Variants in WDR27 observed in about 807,000 individuals in gnomAD.
The protein encoded by WDR27 is WD repeat-containing protein 27.
A neutral mutation model predicts 114.4 loss-of-function variants in WDR27; 100 were observed. The ratio of observed to expected loss-of-function variants is 0.87; its 90% CI spans 0.74 to 1.03. The LOEUF (loss-of-function observed/expected upper bound fraction) is 1.03, where lower values mean the gene tolerates loss of function less well. WDR27 is among the 50% of genes least tolerant of loss of function. The pLI is 0.00. For synonymous variants in WDR27, 449 were observed against 423.1 expected, an observed-to-expected ratio of 1.06 and a Z score of -0.75; for missense variants, 1,129 against 1,092.9, an observed-to-expected ratio of 1.03 and a Z score of -0.47.
chr6:169,583,498 T>G (rs1160994373), intron 23 of WDR27, among the ~76,000 whole-genome samples: 2 of 31,712 alleles, frequency 6.3e-5, no homozygotes, highest in African/African-American at 7.1e-5. Flanking sequence ...CATATATATA[T>G]ATATATGTAT....
chr6:169,436,532 T>TA, the WDR27 span, among the ~76,000 whole-genome samples: 7 of 152,046 alleles, frequency 4.6e-5, no homozygotes, highest in African/African-American at 9.7e-5. Flanking sequence ...CACATGCTGT[T>TA]AAAAAAATGA....
chr6:169,697,028 G>A (rs538826663), intron 1 of WDR27, among the ~76,000 whole-genome samples: 100 of 152,298 alleles, frequency 6.6e-4, no homozygotes, highest in African/African-American at 2.3e-3. Flanking sequence ...CCCAGGTGCC[G>A]AGGCAAGAGA....
intron 22 of WDR27, among the ~76,000 whole-genome samples, chr6:169,604,315 T>TA (rs1337172040): frequency 6.6e-6 from 1 of 152,082 alleles, no homozygotes; most frequent in East Asian, 1.9e-4. Flanking sequence ...TCAGAGACTA[T>TA]AATGAAAAAC....
chr6:169,602,889 T>G (rs1808306198), intron 22 of WDR27, among the ~76,000 whole-genome samples: 1 of 151,928 alleles, frequency 6.6e-6, no homozygotes. Context: ...TCACCCAGGC[T>G]GGAGTGCAGT....
chr6:169,497,574 G>C (rs186877466), intron 25 of WDR27, among the ~76,000 whole-genome samples: 41 of 150,010 alleles, frequency 2.7e-4, no homozygotes, highest in Admixed American at 2.2e-3. Flanking sequence ...AAAAAATCCA[G>C]TTAAAACATG....
chr6:169,630,767 G>A (rs1309108412), intron 21 of WDR27, among the ~76,000 whole-genome samples: 2 of 152,088 alleles, frequency 1.3e-5, no homozygotes, highest in Non-Finnish European at 2.9e-5. Context: ...GGTGGCACGC[G>A]CCTGTAATCC....
At chr6:169,433,348 T>A in the WDR27 span, among the ~76,000 whole-genome samples, 3 of 152,202 alleles carry the variant, frequency 2.0e-5, no homozygotes, top group African/African-American at 7.2e-5. Context: ...GTGTTTGGTT[T>A]TCTGTTCCTG....
chr6:169,449,686 G>C, the WDR27 span, among the ~76,000 whole-genome samples: 8 of 152,194 alleles, frequency 5.3e-5, no homozygotes, highest in African/African-American at 1.7e-4. Flanking sequence ...GATAGGAGAG[G>C]GATGCGGACC....
At chr6:169,458,909 CAG>C (rs1327338287) in intron 25 of WDR27, among the ~76,000 whole-genome samples, 2 of 151,786 alleles carry the variant, frequency 1.3e-5, no homozygotes, top group Non-Finnish European at 2.9e-5. Context: ...GTCCTTGGCA[CAG>C]AGTCAAGCTA....
intron 3 of WDR27, 134 bp downstream of exon 3, chr6:169,672,121 T>C: frequency 3.4e-6 from 3 of 879,430 alleles, no homozygotes; most frequent in East Asian, 2.7e-5. Context: ...GTAAAGAGAG[T>C]ACAAAATTAT....
the WDR27 span, among the ~76,000 whole-genome samples, chr6:169,441,879 T>G: frequency 1.1e-3 from 173 of 152,358 alleles, no homozygotes; most frequent in Middle Eastern, 0.02. Context: ...TGTATATATT[T>G]TTATTTGACT....
At chr6:169,610,421 C>T (rs982831984) in intron 22 of WDR27, among the ~76,000 whole-genome samples, 4 of 152,182 alleles carry the variant, frequency 2.6e-5, no homozygotes, top group African/African-American at 9.7e-5. Context: ...GAGCAAGCCC[C>T]GTCTTACATG....
intron 25 of WDR27, among the ~76,000 whole-genome samples, chr6:169,500,284 C>G (rs1790988156): frequency 6.6e-6 from 1 of 152,090 alleles, no homozygotes; most frequent in Non-Finnish European, 1.5e-5. Context: ...TTTATAGCAA[C>G]ATGTTGACTA....
Position 169,687,831 on chromosome 6 carries a change from A to T in WDR27, c.189+986T>A, listed in dbSNP as rs1301270469. Reference sequence around the variant, plus strand: ...CCTGAAAATTCTATAGTTTTGACCCACATTGCGTTGAAAAAAATTCATGTA... The same window carrying T: ...CCTGAAAATTCTATAGTTTTGACCCTCATTGCGTTGAAAAAAATTCATGTA... On this transcript the variant is annotated intron_variant, in intron 2 of 25. Coordinates refer to ENST00000448612, the MANE Select transcript of WDR27 (RefSeq NM_182552.5). 2.6e-5 allele frequency among the ~76,000 whole-genome samples: 4 copies of T among 152,162 alleles called. No homozygotes were observed. The East Asian group carries it at 5.8e-4, about 22-fold the overall frequency.
intron 25 of WDR27, among the ~76,000 whole-genome samples, chr6:169,551,831 G>T (rs896577726): frequency 3.3e-5 from 5 of 151,992 alleles, no homozygotes; most frequent in Non-Finnish European, 5.9e-5. Flanking sequence ...TGAAGGCCAG[G>T]TCGCTTGCGT....
chr6:169,435,667 T>G, the WDR27 span, among the ~76,000 whole-genome samples: 1 of 152,268 alleles, frequency 6.6e-6, no homozygotes, highest in Admixed American at 6.5e-5. Flanking sequence ...AATGAATGTG[T>G]TTATCCAATG....
chr6:169,523,977 T>C (rs777617941), intron 25 of WDR27, among the ~76,000 whole-genome samples: 2 of 151,696 alleles, frequency 1.3e-5, no homozygotes, highest in Non-Finnish European at 3.0e-5. Context: ...ATAGACATAA[T>C]AGGTAGGGAA....
At chr6:169,653,466 C>T (rs560770118) in intron 13 of WDR27, among the ~76,000 whole-genome samples, 2 of 152,160 alleles carry the variant, frequency 1.3e-5, no homozygotes, top group East Asian at 3.9e-4. Flanking sequence ...CAGAAAATGT[C>T]TTTTACAAGA....
intron 21 of WDR27, among the ~76,000 whole-genome samples, chr6:169,629,788 G>A (rs1189831306): frequency 4.0e-5 from 6 of 151,812 alleles, no homozygotes; most frequent in East Asian, 3.9e-4. Context: ...TTAGCCAGGC[G>A]TGGTGGCCCA....
Sources: allele counts gnomAD v4.1 joint callset (sites outside exome capture counted in the v4.1 genomes callset), GRCh38; gene constraint gnomAD v4.1.1; transcripts MANE v1.5; gene names NCBI Gene and HGNC (gene_info 2026-07-23, HGNC 2026-07-21).